The following RPS24 variants were observed in gnomAD, a reference collection of about 807,000 sequenced individuals.
RPS24 encodes the protein ribosomal protein S24.
For missense variants in RPS24, 100 were observed against 162.5 expected (o/e 0.62, Z 2.09); for synonymous variants, 72 against 55.6 (o/e 1.30, Z -1.31).
chr10:78,044,105 A>G (rs1186127065), downstream of RPS24, among the ~76,000 whole-genome samples: 1 of 152,238 alleles, frequency 6.6e-6, no homozygotes, highest in Non-Finnish European at 1.5e-5. Context: ...TTATGTATAT[A>G]TAGCAACAAA....
exon 5 of RPS24, chr10:78,055,327 G>A (rs1462373005): frequency 1.4e-5 from 4 of 280,230 alleles, no homozygotes; most frequent in African/African-American, 6.6e-5. Flanking sequence ...TTGTTTATTG[G>A]TATTTTCCCA....
At chr10:78,038,945 A>G (rs1162605828) in intron 4 of RPS24, 1 of 152,226 alleles carries the variant, frequency 6.6e-6, no homozygotes, top group East Asian at 1.9e-4. Flanking sequence ...TACCTCATTT[A>G]AAACAAATTT....
intron 4 of RPS24, chr10:78,039,482 G>C (rs2131983622): frequency 6.6e-6 from 1 of 152,654 alleles, no homozygotes; most frequent in East Asian, 1.9e-4. Flanking sequence ...CAATGCATTT[G>C]AGTACATAAA....
Position 78,037,740 on chromosome 10 carries a change from T to G in RPS24, c.390+436T>G, listed in dbSNP as rs145640411. 1.9e-3 allele frequency: 668 copies of G among 348,622 alleles called. 4 individuals are homozygous for G. Among genetic ancestry groups the G allele is most frequent in the African/African-American group, 0.013 (620 of 46,534 alleles). 21.6% of individuals were successfully genotyped at this position (348,622 alleles called of 1,614,324 possible). A position where few individuals can be genotyped will look rare whatever the true frequency, so the allele number is the denominator to read the frequency against. ...TGGCACACTGGAAAGGCAACTGAGA[T>G]CTCAGGATTGCTTTCCTCTCCAGTT... On this transcript the variant is annotated intron_variant, in intron 4 of 5. Coordinates refer to ENST00000372360, the MANE Select transcript of RPS24 (RefSeq NM_033022.4).
At chr10:78,055,144 G>A (rs763076568) in exon 5 of RPS24, 152 of 1,356,588 alleles carry the variant, frequency 1.1e-4, no homozygotes, top group Non-Finnish European at 1.4e-4. Context: ...GAACCCTCCA[G>A]GGCTCCACAT....
At chr10:78,037,902 C>CTTTTTTTT (rs55902139) in intron 4 of RPS24, 64 of 379,922 alleles carry the variant, frequency 1.7e-4, no homozygotes, top group East Asian at 2.9e-4. Context: ...GTTCTGTGAA[C>CTTTTTTTT]TTTTTTTTTT....
At chr10:78,050,823 A>G (rs1404885458) in intron 4 of RPS24, among the ~76,000 whole-genome samples, 2 of 151,862 alleles carry the variant, frequency 1.3e-5, no homozygotes, top group South Asian at 2.1e-4. Flanking sequence ...GAGTCTCTAC[A>G]TTATGTTGCG....
chr10:78,054,590 C>T (rs975304765), exon 5 of RPS24: 8 of 1,551,214 alleles, frequency 5.2e-6, no homozygotes, highest in African/African-American at 1.4e-5. Context: ...AAGAGAGATG[C>T]ACAGATGTGA....
chr10:78,046,635 A>T (rs1589334038), intron 4 of RPS24, among the ~76,000 whole-genome samples: 1 of 152,040 alleles, frequency 6.6e-6, no homozygotes, highest in Non-Finnish European at 1.5e-5. Context: ...GATTACAGGC[A>T]TGATCCACTG....
Position 78,035,536 on chromosome 10 carries a change from A to G in RPS24, c.95A>G (p.Lys32Arg). The G allele has an allele frequency of 6.2e-7, 1 of 1,614,218 alleles. No individual in the cohort carries two copies. The highest frequency in any genetic ancestry group is 8.5e-7 in the Non-Finnish European group (1 of 1,180,032). The change falls in exon 3 of 6, where the codon AAG becomes AGG. Residue 32 changes from lysine to arginine, a missense_variant. Transcript: ENST00000372360. ...QMVIDVLHPG[K>R]ATVPKTEIRE... ...GTCATTGATGTCCTTCACCCCGGGA[A>G]GGCGACAGTGCCTAAGACAGAAATT... is the stretch of plus-strand genomic sequence containing the variant.
At chr10:78,037,547 T>A in intron 4 of RPS24, 1 of 531,266 alleles carries the variant, frequency 1.9e-6, no homozygotes, top group African/African-American at 1.9e-5. Flanking sequence ...CCACATTGGT[T>A]CATTGATCCC....
At chr10:78,045,221 C>G (rs908006039), downstream of RPS24, among the ~76,000 whole-genome samples, 2 of 152,006 alleles carry the variant, frequency 1.3e-5, no homozygotes, top group Non-Finnish European at 2.9e-5. Flanking sequence ...CTCCTGACCT[C>G]AGGTGATCTG....
intron 4 of RPS24, chr10:78,039,595 T>TA (rs1847948055): frequency 6.5e-6 from 1 of 153,196 alleles, no homozygotes; most frequent in South Asian, 2.0e-4. Flanking sequence ...GCGATGGAGT[T>TA]ATATACTAAG....
At chr10:78,045,910 G>A (rs1211898749) in intron 4 of RPS24, among the ~76,000 whole-genome samples, 3 of 151,976 alleles carry the variant, frequency 2.0e-5, no homozygotes, top group African/African-American at 7.2e-5. Flanking sequence ...GTGGAGGCAC[G>A]AGAATTGCTT....
intron 4 of RPS24, chr10:78,037,832 C>A (rs1011208030): frequency 9.1e-6 from 5 of 548,422 alleles, no homozygotes; most frequent in Non-Finnish European, 1.4e-5. Flanking sequence ...AATAGTTGGA[C>A]ATTGTAAATC....
At chr10:78,034,748 C>A (rs1460918646) in intron 1 of RPS24, among the ~76,000 whole-genome samples, 1 of 152,212 alleles carries the variant, frequency 6.6e-6, no homozygotes, top group Non-Finnish European at 1.5e-5. Flanking sequence ...TCTGCTATGG[C>A]CATTCTAGAA....
chr10:78,055,319 G>T, exon 5 of RPS24: 2 of 299,358 alleles, frequency 6.7e-6, no homozygotes, highest in East Asian at 5.8e-5. Context: ...TTATTTTCTT[G>T]TTTATTGGTA....
Position 78,040,598 on chromosome 10 carries a change from T to A in RPS24, c.*20-17T>A. ...TAAAGGCAGTTGTTGACTAAACTTC[T>A]TTCTCTTGATTCACAGCCGAAGGAG... On this transcript the variant is annotated splice_polypyrimidine_tract_variant and intron_variant, in intron 5 of 5. Coordinates refer to ENST00000372360, the MANE Select transcript of RPS24 (RefSeq NM_033022.4). 6.2e-7 allele frequency: 1 copy of A among 1,606,608 alleles called. No homozygotes were observed. Among genetic ancestry groups the A allele is most frequent in the East Asian group, 2.2e-5 (1 of 44,846 alleles).
intron 5 of RPS24, 193 bp downstream of exon 5, chr10:78,040,418 T>G (rs1173781117): frequency 2.8e-6 from 2 of 712,870 alleles, no homozygotes; most frequent in East Asian, 5.4e-5. Flanking sequence ...TAGCCCATTA[T>G]TTTTGTTTTA....
Sources: allele counts gnomAD v4.1 joint callset (sites outside exome capture counted in the v4.1 genomes callset), GRCh38; gene constraint gnomAD v4.1.1; transcripts MANE v1.5; gene names NCBI Gene and HGNC (gene_info 2026-07-23, HGNC 2026-07-21).